MCMBP: variants seen among roughly 807,000 people sequenced by gnomAD.
MCMBP encodes mini-chromosome maintenance complex-binding protein.
MCMBP carries 31 observed loss-of-function variants against 81.3 expected under a neutral mutation model. The observed-to-expected ratio is 0.38, with a 90% CI of 0.29 to 0.51. MCMBP has a LOEUF of 0.51. MCMBP is among the 20% of genes least tolerant of loss of function. MCMBP has a pLI of 0.87. For missense variants in MCMBP, 645 were observed against 772.1 expected (o/e 0.84, Z 1.95); for synonymous variants, 267 against 275.9 (o/e 0.97, Z 0.32).
At chr10:119,857,317 G>T (rs1853089013) in intron 5 of MCMBP, 21 bp downstream of exon 5, 2 of 1,544,444 alleles carry the variant, frequency 1.3e-6, no homozygotes, top group Middle Eastern at 1.7e-4. Flanking sequence ...AACACAGTAA[G>T]AAAGTTCAGA....
chr10:119,835,816 A>C (rs1852220437), intron 13 of MCMBP, 112 bp from the exon 14 acceptor site: 2 of 1,107,432 alleles, frequency 1.8e-6, no homozygotes, highest in Non-Finnish European at 2.6e-6. Context: ...AATACCACTT[A>C]TTATTTAGGG....
At chr10:119,854,230 C>A (rs926588234) in intron 5 of MCMBP, among the ~76,000 whole-genome samples, 4 of 151,740 alleles carry the variant, frequency 2.6e-5, no homozygotes, top group African/African-American at 9.7e-5. Flanking sequence ...TTTGTAGAGA[C>A]AGAGTATTGC....
At position 119,842,455 on chromosome 10, in the gene MCMBP, CAGGAT is replaced by C. The variant is rs1242457169; in HGVS notation, c.1124+12_1124+16del. ...CACACCAAACTCCCCTAATTCCCAC[CAGGAT>C]ACAGCACTTACACTGTGGAGATGAG... On this transcript the variant is annotated intron_variant, in intron 10 of 15. Transcript: ENST00000369077. 1 of 1,601,188 alleles carries C rather than the reference CAGGAT, an allele frequency of 6.2e-7. No individual in the cohort carries two copies. Among genetic ancestry groups the C allele is most frequent in the African/African-American group, 1.3e-5 (1 of 74,182 alleles).
chr10:119,858,494 G>A lies in MCMBP; in HGVS notation c.327+390C>T, dbSNP rs117278649. Among the ~76,000 whole-genome samples, 1,392 of 151,658 alleles carry A rather than the reference G, an allele frequency of 9.2e-3. 8 individuals are homozygous for A. Among genetic ancestry groups the A allele is most frequent in the Non-Finnish European group, 0.011 (721 of 67,850 alleles). On this transcript the variant is annotated intron_variant, in intron 4 of 15. Transcript: ENST00000369077. The stretch of plus-strand genomic sequence containing the variant: ...TGAATCTCATCTCCGAGCTACCTAG[G>A]AATGAATATTTCATTAAATTTCTGT...
At chr10:119,833,787 A>C (rs1469352631) in intron 14 of MCMBP, among the ~76,000 whole-genome samples, 1 of 152,210 alleles carries the variant, frequency 6.6e-6, no homozygotes, top group Non-Finnish European at 1.5e-5. Flanking sequence ...CAAACATTAG[A>C]CAAAAAGACT....
At chr10:119,855,709 A>G (rs192740863) in intron 5 of MCMBP, among the ~76,000 whole-genome samples, 1 of 152,284 alleles carries the variant, frequency 6.6e-6, no homozygotes, top group East Asian at 1.9e-4. Context: ...AATTAAAACC[A>G]AACCAAAAAG....
At chr10:119,836,874 A>T in intron 13 of MCMBP, 22 bp downstream of exon 13, 2 of 1,573,758 alleles carry the variant, frequency 1.3e-6, no homozygotes, top group Non-Finnish European at 1.7e-6. Flanking sequence ...ACCTCCCTCC[A>T]TTTAAAAATG....
At chr10:119,852,788 T>C (rs1314229830) in intron 6 of MCMBP, among the ~76,000 whole-genome samples, 1 of 152,188 alleles carries the variant, frequency 6.6e-6, no homozygotes, top group Admixed American at 6.5e-5. Flanking sequence ...AAAATAAATA[T>C]GAAGATAGAA....
At chr10:119,868,639 G>T (rs1188524049) in intron 1 of MCMBP, among the ~76,000 whole-genome samples, 1 of 152,102 alleles carries the variant, frequency 6.6e-6, no homozygotes, top group Non-Finnish European at 1.5e-5. Context: ...ATCCAGCAAA[G>T]GAACTTCCGA....
intron 13 of MCMBP, among the ~76,000 whole-genome samples, chr10:119,835,961 T>G (rs544524367): frequency 6.6e-6 from 1 of 152,142 alleles, no homozygotes; most frequent in South Asian, 2.1e-4. Context: ...CTCAGCCTCC[T>G]CAGTAGTGGG....
intron 9 of MCMBP, 26 bp from the exon 10 acceptor site, chr10:119,842,621 C>CTGGAACTGG: frequency 6.2e-7 from 1 of 1,607,178 alleles, no homozygotes; most frequent in Admixed American, 1.7e-5. Context: ...AGACCTGAGT[C>CTGGAACTGG]AGGACACACA....
At position 119,831,598 on chromosome 10, in the gene MCMBP, C is replaced by A. The variant is rs1424184113; in HGVS notation, c.1799G>T (p.Cys600Phe). Residue 600 changes from cysteine to phenylalanine, a missense_variant and splice_region_variant, in exon 16 of 16, where the codon TGT becomes TTT. Coordinates refer to ENST00000369077, the MANE Select transcript of MCMBP (RefSeq NM_001256378.2). ...DLHQLLVVAR[C>F]LSLSAGQTTL... Reference sequence around the variant, plus strand: ...TGTCTGACCAGCACTGAGAGACAGACACCTGGTTTGAAACACAGAAACAAA... The same window carrying A: ...TGTCTGACCAGCACTGAGAGACAGAAACCTGGTTTGAAACACAGAAACAAA... The A allele has an allele frequency of 2.5e-6, 4 of 1,610,928 alleles. No individual in the cohort carries two copies. In the South Asian group the frequency reaches 4.4e-5, roughly 18 times the overall value.
chr10:119,846,047 A>C (rs939531819), intron 8 of MCMBP, among the ~76,000 whole-genome samples: 7 of 152,190 alleles, frequency 4.6e-5, no homozygotes, highest in African/African-American at 1.7e-4. Context: ...TGCTGCATGT[A>C]TCCTAGCTCT....
At chr10:119,864,982 G>A (rs1768212863) in intron 1 of MCMBP, among the ~76,000 whole-genome samples, 1 of 152,204 alleles carries the variant, frequency 6.6e-6, no homozygotes, top group African/African-American at 2.4e-5. Flanking sequence ...CACTTGAAAA[G>A]AATGTGTATT....
intron 1 of MCMBP, among the ~76,000 whole-genome samples, chr10:119,861,397 G>A (rs1792759756): frequency 6.6e-6 from 1 of 152,088 alleles, no homozygotes; most frequent in Admixed American, 6.6e-5. Context: ...AAATTATTCA[G>A]CCCAACCCCG....
intron 8 of MCMBP, 101 bp downstream of exon 8, chr10:119,847,512 G>A (rs3740568): frequency 0.071 from 42,235 of 593,932 alleles, 2,649 homozygotes; most frequent in South Asian, 0.24. Flanking sequence ...ACATCTGGGA[G>A]AAAGGGAAAA....
At chr10:119,868,378 A>G (rs997517214) in intron 1 of MCMBP, among the ~76,000 whole-genome samples, 4 of 152,214 alleles carry the variant, frequency 2.6e-5, no homozygotes, top group African/African-American at 9.6e-5. Context: ...GTGAGCCGAG[A>G]TCACGCCACT....
At chr10:119,833,663 C>T (rs1852132340) in intron 14 of MCMBP, among the ~76,000 whole-genome samples, 1 of 151,910 alleles carries the variant, frequency 6.6e-6, no homozygotes. Flanking sequence ...ACAGTGAGAC[C>T]CCACTGACCA....
At chr10:119,842,208 G>C (rs1852457876) in intron 10 of MCMBP, among the ~76,000 whole-genome samples, 1 of 152,132 alleles carries the variant, frequency 6.6e-6, no homozygotes, top group Non-Finnish European at 1.5e-5. Context: ...CCATGAAATG[G>C]GTCCTTGGTG....
Sources: gnomAD v4.1 joint callset for allele counts (sites outside exome capture counted in the v4.1 genomes callset) on GRCh38, gnomAD v4.1.1 for gene constraint, MANE v1.5 for transcripts, NCBI Gene and HGNC (gene_info 2026-07-23, HGNC 2026-07-21) for gene names.